DCDC1: variants seen among roughly 807,000 people sequenced by gnomAD.
The protein encoded by DCDC1 is doublecortin domain containing 1.
A neutral mutation model predicts 178.3 loss-of-function variants in DCDC1; 200 were observed. The ratio of observed to expected loss-of-function variants is 1.12; its 90% CI spans 1.00 to 1.26. DCDC1 has a LOEUF of 1.26. Ranked by LOEUF, DCDC1 falls within the 50% of genes most tolerant of loss-of-function variation. The pLI is 0.00. For missense variants in DCDC1, 1,983 were observed against 1,749.2 expected (o/e 1.13, Z -2.38); for synonymous variants, 690 against 604.8 (o/e 1.14, Z -2.07).
At chr11:31,076,787 T>G (rs1345098864) in intron 18 of DCDC1, among the ~76,000 whole-genome samples, 1 of 152,148 alleles carries the variant, frequency 6.6e-6, no homozygotes, top group Non-Finnish European at 1.5e-5. Context: ...GTGTCATTCT[T>G]TCTCACACAG....
At chr11:30,938,343 G>A (rs1379106016) in intron 21 of DCDC1, among the ~76,000 whole-genome samples, 1 of 152,004 alleles carries the variant, frequency 6.6e-6, no homozygotes, top group African/African-American at 2.4e-5. Context: ...CTGCAAAGAC[G>A]GACAGCTCTG....
At chr11:31,270,476 G>C (rs1438414802) in intron 7 of DCDC1, among the ~76,000 whole-genome samples, 4 of 152,198 alleles carry the variant, frequency 2.6e-5, no homozygotes, top group Non-Finnish European at 4.4e-5. Flanking sequence ...ATATTTTTCT[G>C]TTCTGTATAA....
chr11:31,275,598 G>C (rs544191476), intron 7 of DCDC1, among the ~76,000 whole-genome samples: 1 of 151,742 alleles, frequency 6.6e-6, no homozygotes, highest in South Asian at 2.1e-4. Context: ...TCTGCCTCCC[G>C]GGTTCAAGTG....
intron 11 of DCDC1, among the ~76,000 whole-genome samples, chr11:31,112,417 C>T (rs1359749154): frequency 6.6e-6 from 1 of 152,166 alleles, no homozygotes; most frequent in African/African-American, 2.4e-5. Flanking sequence ...TAAAAGTAGT[C>T]TACCTTTATT....
intron 17 of DCDC1, 150 bp downstream of exon 17, chr11:31,091,243 T>G: frequency 1.8e-6 from 1 of 549,834 alleles, no homozygotes; most frequent in Non-Finnish European, 3.2e-6. Flanking sequence ...CAAGCTTACT[T>G]TGGATTCAGA....
chr11:30,927,323 C>G (rs943704938), intron 22 of DCDC1, among the ~76,000 whole-genome samples: 2 of 151,688 alleles, frequency 1.3e-5, no homozygotes, highest in East Asian at 3.9e-4. Flanking sequence ...AAATTTTCTT[C>G]CCCAAAAGTT....
At chr11:31,032,426 A>G (rs1953712211) in intron 20 of DCDC1, among the ~76,000 whole-genome samples, 1 of 152,180 alleles carries the variant, frequency 6.6e-6, no homozygotes, top group Admixed American at 6.5e-5. Flanking sequence ...TTAGACTGCT[A>G]TGGAAAGAAG....
chr11:30,874,402 C>T (rs1941926609), intron 38 of DCDC1, among the ~76,000 whole-genome samples: 1 of 152,124 alleles, frequency 6.6e-6, no homozygotes, highest in African/African-American at 2.4e-5. Flanking sequence ...CTTGCCAATA[C>T]ACAAATTGTT....
intron 38 of DCDC1, among the ~76,000 whole-genome samples, chr11:30,868,948 T>C (rs1941282082): frequency 6.6e-6 from 1 of 152,214 alleles, no homozygotes; most frequent in Non-Finnish European, 1.5e-5. Flanking sequence ...GTCTGTCTTA[T>C]AATGCCATTC....
chr11:31,096,313 T>C (rs2135702087), intron 15 of DCDC1, among the ~76,000 whole-genome samples: 1 of 152,330 alleles, frequency 6.6e-6, no homozygotes, highest in Admixed American at 6.5e-5. Flanking sequence ...CTAATCCATT[T>C]GCCACAGGAC....
chr11:31,112,014 A>C (rs1392138387), intron 11 of DCDC1, among the ~76,000 whole-genome samples: 1 of 152,154 alleles, frequency 6.6e-6, no homozygotes, highest in East Asian at 1.9e-4. Flanking sequence ...GTTCTCAAAA[A>C]TAAAAATAAA....
chr11:31,213,927 TA>T (rs1973194326), intron 9 of DCDC1, among the ~76,000 whole-genome samples: 1 of 152,128 alleles, frequency 6.6e-6, no homozygotes, highest in Admixed American at 6.5e-5. Flanking sequence ...TATCTACACA[TA>T]CATATATATA....
At chr11:30,920,278 C>T (rs923428170) in intron 25 of DCDC1, among the ~76,000 whole-genome samples, 9 of 152,048 alleles carry the variant, frequency 5.9e-5, no homozygotes, top group Admixed American at 5.2e-4. Flanking sequence ...CAATAGGTAC[C>T]CTTAAAAAAC....
chr11:31,359,978 T>C (rs1042797809), intron 1 of DCDC1, among the ~76,000 whole-genome samples: 4 of 152,204 alleles, frequency 2.6e-5, no homozygotes, highest in African/African-American at 9.6e-5. Flanking sequence ...CTGCCTTACC[T>C]ACCTCACAGG....
At chr11:31,003,542 G>A (rs1448067306) in intron 20 of DCDC1, among the ~76,000 whole-genome samples, 1 of 152,154 alleles carries the variant, frequency 6.6e-6, no homozygotes, top group East Asian at 1.9e-4. Flanking sequence ...CATTCCAGGA[G>A]GAGGAGATAC....
chr11:31,319,228 T>C (rs1278081314), intron 3 of DCDC1, among the ~76,000 whole-genome samples: 1 of 14,974 alleles, frequency 6.7e-5, no homozygotes. Context: ...ACTTTCTGTC[T>C]CGTTGATCTG....
intron 18 of DCDC1, among the ~76,000 whole-genome samples, chr11:31,074,090 G>A (rs1330238186): frequency 6.6e-6 from 1 of 152,116 alleles, no homozygotes; most frequent in Non-Finnish European, 1.5e-5. Context: ...AACAGTTAAA[G>A]AGAACACTAA....
chr11:31,224,502 T>C (rs1412857100), intron 9 of DCDC1, among the ~76,000 whole-genome samples: 1 of 151,536 alleles, frequency 6.6e-6, no homozygotes, highest in Non-Finnish European at 1.5e-5. Flanking sequence ...AATAAATAAA[T>C]AAATAGGATC....
At chr11:31,041,109 T>C (rs1954417879) in intron 20 of DCDC1, among the ~76,000 whole-genome samples, 1 of 152,228 alleles carries the variant, frequency 6.6e-6, no homozygotes, top group Admixed American at 6.5e-5. Context: ...TTCTTGAGTT[T>C]GTGGTGTCTG....
Sources: allele counts gnomAD v4.1 joint callset (sites outside exome capture counted in the v4.1 genomes callset), GRCh38; gene constraint gnomAD v4.1.1; transcripts MANE v1.5; gene names NCBI Gene and HGNC (gene_info 2026-07-23, HGNC 2026-07-21).